The following DGKB variants were observed in gnomAD, a reference collection of about 807,000 sequenced individuals.
DGKB encodes diacylglycerol kinase beta.
DGKB carries 67 observed loss-of-function variants against 114.3 expected under a neutral mutation model. That is an observed-to-expected ratio of 0.59 (90% confidence interval 0.48 to 0.72). The LOEUF is 0.72. Ranked by LOEUF, DGKB falls within the 30% of genes least tolerant of loss-of-function variation. The pLI is 0.00. For synonymous variants in DGKB, 398 were observed against 323.1 expected (o/e 1.23, Z -2.49); for missense variants, 907 against 975.2 (o/e 0.93, Z 0.93).
At chr7:14,395,468 G>C (rs1159439837) in intron 21 of DGKB, among the ~76,000 whole-genome samples, 1 of 151,690 alleles carries the variant, frequency 6.6e-6, no homozygotes, top group African/African-American at 2.4e-5. Flanking sequence ...GTAACAAAAA[G>C]GAAAAATTTC....
intron 23 of DGKB, among the ~76,000 whole-genome samples, chr7:14,290,586 G>A (rs1336617529): frequency 6.6e-6 from 1 of 152,076 alleles, no homozygotes; most frequent in Non-Finnish European, 1.5e-5. Flanking sequence ...ATTGTTGGTG[G>A]TTGTGATGTG....
chr7:14,754,890 C>A (rs374762117), intron 3 of DGKB, among the ~76,000 whole-genome samples: 1 of 152,122 alleles, frequency 6.6e-6, no homozygotes, highest in Admixed American at 6.6e-5. Flanking sequence ...TCCTTCCTAT[C>A]TAAGAGGATG....
chr7:14,484,079 T>G (rs979678618), intron 20 of DGKB, among the ~76,000 whole-genome samples: 1 of 152,028 alleles, frequency 6.6e-6, no homozygotes, highest in Non-Finnish European at 1.5e-5. Flanking sequence ...ATTTTAATTC[T>G]TTCTTGAATC....
chr7:14,439,073 T>C (rs1031499855), intron 21 of DGKB, among the ~76,000 whole-genome samples: 2 of 151,970 alleles, frequency 1.3e-5, no homozygotes, highest in African/African-American at 4.8e-5. Context: ...TATCTCCAAC[T>C]AAAGTGTCTT....
intron 21 of DGKB, among the ~76,000 whole-genome samples, chr7:14,454,151 C>T (rs1049877140): frequency 6.6e-6 from 1 of 152,092 alleles, no homozygotes; most frequent in Non-Finnish European, 1.5e-5. Flanking sequence ...TAGAACATTA[C>T]ACTTCTTCTC....
In DGKB at chr7:14,579,466, T is replaced by C. The variant is rs187887337; in HGVS notation, c.1609+1396A>G. Among the ~76,000 whole-genome samples, 53 of 152,316 alleles carry C rather than the reference T, an allele frequency of 3.5e-4. 1 individual carries two copies. The highest frequency in any genetic ancestry group is 1.2e-3 in the African/African-American group (50 of 41,568). On this transcript the variant is annotated intron_variant, in intron 19 of 25. Coordinates refer to ENST00000402815, the MANE Select transcript of DGKB (RefSeq NM_001350709.2). ...ATAAAATTATTAATTTTCATATACA[T>C]CAAATATATGTTCCAGGAGAACATG...
In DGKB at chr7:14,745,150, GC is replaced by G. The variant is rs1226154376; in HGVS notation, c.168+8777del. Among the ~76,000 whole-genome samples the G allele has an allele frequency of 3.3e-5, 5 of 152,244 alleles. No individual in the cohort carries two copies. In the East Asian group the frequency reaches 9.7e-4, roughly 29 times the overall value. On this transcript the variant is annotated intron_variant, in intron 4 of 25. Transcript: ENST00000402815. ...CTGACAGCCTTGGGATTTTTCAGCT[GC>G]CCTTACCCATCCCTCTTTGTTTGGT...
rs1802829474 is a variant in DGKB at position 14,297,744 on chromosome 7, A to C, written c.2122+40771T>G. The stretch of plus-strand genomic sequence containing the variant: ...AGGAAGAAATAAAGGGTATTCAGAT[A>C]GGAAGAGAGGAAATCAAATTGTCTC... On this transcript the variant is annotated intron_variant, in intron 23 of 25. Coordinates refer to ENST00000402815, the MANE Select transcript of DGKB (RefSeq NM_001350709.2). Among the ~76,000 whole-genome samples the C allele has an allele frequency of 2.0e-5, 3 of 152,308 alleles. No individual in the cohort carries two copies. In the South Asian group the frequency reaches 6.2e-4, roughly 32 times the overall value.
At chr7:14,569,922 T>A (rs932793314) in intron 20 of DGKB, among the ~76,000 whole-genome samples, 13 of 151,764 alleles carry the variant, frequency 8.6e-5, no homozygotes, top group African/African-American at 2.9e-4. Flanking sequence ...GTATTTTTTA[T>A]TAATTCTTAG....
chr7:14,577,319 G>A (rs1232003372), intron 19 of DGKB, among the ~76,000 whole-genome samples: 3 of 152,118 alleles, frequency 2.0e-5, no homozygotes, highest in Admixed American at 6.6e-5. Context: ...CAACAAATCT[G>A]TATAAAAGTG....
At chr7:14,200,074 A>C (rs1441723682) in intron 23 of DGKB, among the ~76,000 whole-genome samples, 2 of 152,036 alleles carry the variant, frequency 1.3e-5, no homozygotes, top group African/African-American at 4.8e-5. Context: ...CCAACATGCC[A>C]CTGCATAGAG....
At chr7:14,921,830 G>A (rs1308679685) in intron 1 of DGKB, among the ~76,000 whole-genome samples, 1 of 152,130 alleles carries the variant, frequency 6.6e-6, no homozygotes, top group African/African-American at 2.4e-5. Flanking sequence ...GTCTTTCAAA[G>A]GAATTTTAGC....
At chr7:14,550,669 A>G (rs1454582462) in intron 20 of DGKB, among the ~76,000 whole-genome samples, 3 of 152,206 alleles carry the variant, frequency 2.0e-5, no homozygotes, top group Non-Finnish European at 4.4e-5. Flanking sequence ...ATCATCCATA[A>G]CTTGTCAATT....
At chr7:14,308,865 C>T (rs980664533) in intron 23 of DGKB, among the ~76,000 whole-genome samples, 4 of 152,092 alleles carry the variant, frequency 2.6e-5, no homozygotes, top group African/African-American at 7.2e-5. Flanking sequence ...CTAACAATCT[C>T]GATGTTCTTT....
intron 1 of DGKB, among the ~76,000 whole-genome samples, chr7:14,859,486 A>G (rs769448977): frequency 6.6e-6 from 1 of 152,164 alleles, no homozygotes; most frequent in Non-Finnish European, 1.5e-5. Context: ...GCTCAAGTAC[A>G]GGGGAACACT....
intron 23 of DGKB, among the ~76,000 whole-genome samples, chr7:14,326,023 A>C (rs1033582455): frequency 6.6e-6 from 1 of 151,980 alleles, no homozygotes; most frequent in Non-Finnish European, 1.5e-5. Flanking sequence ...CTACTTATAT[A>C]GGTTATGAGA....
At chr7:14,306,187 A>T (rs911978092) in intron 23 of DGKB, among the ~76,000 whole-genome samples, 1 of 152,176 alleles carries the variant, frequency 6.6e-6, no homozygotes, top group Non-Finnish European at 1.5e-5. Flanking sequence ...TATTAAATAT[A>T]TACACAGATA....
At chr7:14,231,073 TCTTCTTTCC>T (rs889859551) in intron 23 of DGKB, among the ~76,000 whole-genome samples, 63 of 150,840 alleles carry the variant, frequency 4.2e-4, no homozygotes, top group East Asian at 3.0e-3. Context: ...AAAAATTCTT[TCTTCTTTCC>T]CTTTCTTTCT....
At chr7:14,213,890 CAAATA>C (rs1396427040) in intron 23 of DGKB, among the ~76,000 whole-genome samples, 3 of 151,914 alleles carry the variant, frequency 2.0e-5, no homozygotes, top group Non-Finnish European at 4.4e-5. Context: ...TCTTTTTTTC[CAAATA>C]AAATAAAAGA....
Sources: gnomAD v4.1 joint callset for allele counts (sites outside exome capture counted in the v4.1 genomes callset) on GRCh38, gnomAD v4.1.1 for gene constraint, MANE v1.5 for transcripts, NCBI Gene and HGNC (gene_info 2026-07-23, HGNC 2026-07-21) for gene names.